ALDOA: variants seen among roughly 807,000 people sequenced by gnomAD.
ALDOA encodes the protein aldolase, fructose-bisphosphate A, also known as fructose-bisphosphate aldolase A.
ALDOA carries 26 observed loss-of-function variants against 43.9 expected under a neutral mutation model. That is an observed-to-expected ratio of 0.59 (90% CI 0.43 to 0.82). ALDOA has a LOEUF of 0.82. ALDOA is among the 40% of genes least tolerant of loss of function. The pLI is 0.00. For synonymous variants in ALDOA, 258 were observed against 222.6 expected (o/e 1.16, Z -1.42); for missense variants, 498 against 549.5 (o/e 0.91, Z 0.94).
Position 30,068,911 on chromosome 16 carries a change from C to G in ALDOA, c.635C>G (p.Thr212Ser), listed in dbSNP as rs569354275. ...WRCVLKIGEH[T>S]PSALAIMENA... ...TGTGTGCTGAAGATTGGGGAACACA[C>G]CCCCTCAGCCCTCGCCATCATGGAA... The change falls in exon 6 of 10, where the codon ACC becomes AGC. Residue 212 changes from threonine to serine, a missense_variant. Physicochemically the swap from Thr to Ser is moderately conservative, Grantham distance 58 (BLOSUM62 1). Transcript: ENST00000642816. The G allele has an allele frequency of 5.6e-6, 9 of 1,614,132 alleles. No homozygotes were observed. The highest frequency in any genetic ancestry group is 1.7e-5 in the Admixed American group (1 of 60,010).
chr16:30,069,469 A>ACT (rs1567325145), intron 7 of ALDOA, 30 bp from the exon 8 acceptor site: 1 of 1,611,060 alleles, frequency 6.2e-7, no homozygotes, highest in South Asian at 1.1e-5. Flanking sequence ...CCTCCACCCC[A>ACT]CTACCCACCG....
In ALDOA at chr16:30,065,864, T is replaced by A. The variant is rs991112834; in HGVS notation, c.-77T>A. 1 of 153,120 alleles carries A rather than the reference T, an allele frequency of 6.5e-6. No individual in the cohort carries two copies. The highest frequency in any genetic ancestry group is 1.5e-5 in the Non-Finnish European group (1 of 68,496). The allele number at this position is 153,120 out of a possible 1,614,324, so 9.5% of individuals were successfully genotyped here. On this transcript the variant is annotated 5_prime_UTR_variant, in exon 1 of 10. Coordinates refer to ENST00000642816, the MANE Select transcript of ALDOA (RefSeq NM_001243177.4). Reference sequence around the variant, plus strand: ...ACGAGTCCCGCGTTCTCTCCTTGAATCCACTCGCCAGCCCGCCGCCCTCTG... The same window carrying A: ...ACGAGTCCCGCGTTCTCTCCTTGAAACCACTCGCCAGCCCGCCGCCCTCTG...
chr16:30,066,402 T>G (rs923961621), intron 1 of ALDOA, among the ~76,000 whole-genome samples: 6 of 152,208 alleles, frequency 3.9e-5, no homozygotes, highest in Admixed American at 6.5e-5. Context: ...GCGACCTTGA[T>G]TCTGAGCCCG....
intron 1 of ALDOA, 111 bp from the exon 2 acceptor site, chr16:30,066,774 T>A: frequency 7.9e-7 from 1 of 1,272,080 alleles, no homozygotes; most frequent in African/African-American, 1.5e-5. Flanking sequence ...CTGTGTGGCT[T>A]GAAGCACAGA....
At chr16:30,069,178 A>T in intron 6 of ALDOA, 128 bp from the exon 7 acceptor site, 1 of 1,349,930 alleles carries the variant, frequency 7.4e-7, no homozygotes, top group African/African-American at 1.4e-5. Context: ...TGTCTCCTGT[A>T]ATCTGAGGGC....
chr16:30,067,150 A>C, intron 2 of ALDOA, 84 bp from the exon 3 acceptor site: 1 of 1,595,060 alleles, frequency 6.3e-7, no homozygotes, highest in Non-Finnish European at 8.5e-7. Flanking sequence ...CATTTCCCTG[A>C]CCTCCAGGAG....
In ALDOA at chr16:30,067,756, C is replaced by T. The variant is rs1212962275; in HGVS notation, c.486+95C>T. 2.7e-6 allele frequency: 4 copies of T among 1,454,878 alleles called. No individual in the cohort carries two copies. In the Admixed American group the frequency reaches 5.1e-5, roughly 18 times the overall value. 90.1% of individuals were successfully genotyped at this position (1,454,878 alleles called of 1,614,324 possible). A position where few individuals can be genotyped will look rare whatever the true frequency, so the allele number is the denominator to read the frequency against. On this transcript the variant is annotated intron_variant, in intron 4 of 9. Transcript: ENST00000642816. ...AGGGAATGAATGCTGGATTGGTGGC[C>T]TAGAGACTTGCATGGAGCCTGCTTC...
In ALDOA at chr16:30,066,972, C is replaced by T. The variant is rs762591392; in HGVS notation, c.75C>T (p.Pro25=). ...CCATGGCTATGGCCTTTTCCTTTCC[C>T]CCAGTTGCCAGTGGGCAACTCCACC... ...HLSMAMAFSF[P]PVASGQLHPQ... Residue 25 remains proline (P), a synonymous_variant, in exon 2 of 10, where the codon CCC becomes CCT. Coordinates refer to ENST00000642816, the MANE Select transcript of ALDOA (RefSeq NM_001243177.4). The T allele has an allele frequency of 1.4e-5, 21 of 1,554,214 alleles. No homozygotes were observed. Among genetic ancestry groups the T allele is most frequent in the South Asian group, 2.4e-5 (2 of 84,258 alleles).
rs752587498 is a variant in ALDOA at position 30,067,543 on chromosome 16, G to A, written c.368G>A (p.Arg123His). The change falls in exon 4 of 10, where the codon CGC (arginine) becomes CAC (histidine). Residue 123 changes from arginine to histidine, a missense_variant. By Grantham distance (29) the Arg-to-His change is conservative. Coordinates refer to ENST00000642816, the MANE Select transcript of ALDOA (RefSeq NM_001243177.4). ...CAGCTGCTGCTGACAGCTGACGACC[G>A]CGTGAACCCCTGCATTGGGGGTGTC... ...YRQLLLTADD[R>H]VNPCIGGVIL... 61 of 1,613,664 alleles carry A rather than the reference G, an allele frequency of 3.8e-5. No homozygotes were observed. Among genetic ancestry groups the A allele is most frequent in the Non-Finnish European group, 4.7e-5 (55 of 1,180,016 alleles).
intron 4 of ALDOA, 191 bp from the exon 5 acceptor site, chr16:30,068,455 T>C: frequency 1.5e-6 from 1 of 682,140 alleles, no homozygotes; most frequent in Admixed American, 2.1e-5. Context: ...GGGGGAAGAC[T>C]GGGGCTAAAG....
intron 8 of ALDOA, 27 bp from the exon 9 acceptor site, chr16:30,069,803 C>T (rs760307214): frequency 3.1e-6 from 5 of 1,613,822 alleles, no homozygotes; most frequent in Middle Eastern, 3.3e-4. Context: ...TGACCACAGC[C>T]CCTCTCGCCT....
At position 30,067,660 on chromosome 16, in the gene ALDOA, A is replaced by G. The variant is rs1405041987; in HGVS notation, c.485A>G (p.Lys162Arg). The G allele has an allele frequency of 2.5e-6, 4 of 1,614,112 alleles. No individual in the cohort carries two copies. Among genetic ancestry groups the G allele is most frequent in the Middle Eastern group, 1.6e-4 (1 of 6,062 alleles). The change falls in exon 4 of 10, where the codon AAG (lysine) becomes AGG (arginine). Residue 162 changes from lysine (K) to arginine (R), a missense_variant and splice_region_variant. Transcript: ENST00000642816. ...TCCAAGGGCGGTGTTGTGGGCATCA[A>G]GGTAAGGGGAGGGCCTCCGGACGTG... ...IKSKGGVVGI[K>R]VDKGVVPLAG...
Position 30,070,178 on chromosome 16 carries a change from G to C in ALDOA, c.1223G>C (p.Ser408Thr), listed in dbSNP as rs766537404. The change falls in exon 10 of 10, where the codon AGC (serine) becomes ACC (threonine). Residue 408 changes from serine to threonine, a missense_variant. Coordinates refer to ENST00000642816, the MANE Select transcript of ALDOA (RefSeq NM_001243177.4). Reference protein sequence around the residue: ...TPSGQAGAAASESLFVSNHAY With the variant: ...TPSGQAGAAATESLFVSNHAY ...AGCGGTCAGGCTGGGGCTGCTGCCA[G>C]CGAGTCCCTCTTCGTCTCTAACCAC... 1.9e-6 allele frequency: 3 copies of C among 1,614,130 alleles called. No homozygotes were observed. The highest frequency in any genetic ancestry group is 2.5e-6 in the Non-Finnish European group (3 of 1,180,040).
At chr16:30,067,169 T>A in intron 2 of ALDOA, 65 bp from the exon 3 acceptor site, 1 of 1,606,864 alleles carries the variant, frequency 6.2e-7, no homozygotes, top group Non-Finnish European at 8.5e-7. Context: ...AGAGGGGCCC[T>A]GGTCATCGGG....
rs2072217600 is a variant in ALDOA at position 30,068,932 on chromosome 16, T to C, written c.656T>C (p.Met219Thr). The C allele has an allele frequency of 6.2e-7, 1 of 1,614,112 alleles. No individual in the cohort carries two copies. Among genetic ancestry groups the C allele is most frequent in the Admixed American group, 1.7e-5 (1 of 60,006 alleles). The part of the protein sequence containing the change: ...GEHTPSALAI[M>T]ENANVLARYA... ...CACACCCCCTCAGCCCTCGCCATCA[T>C]GGAAAATGCCAATGTTCTGGCCCGT... is the stretch of plus-strand genomic sequence containing the variant. The change falls in exon 6 of 10, where the codon ATG (methionine) becomes ACG (threonine). Residue 219 changes from methionine to threonine, a missense_variant. Met to Thr is a moderately conservative substitution (Grantham distance 81, BLOSUM62 -1). Transcript: ENST00000642816.
At position 30,068,894 on chromosome 16, in the gene ALDOA, G is replaced by A. The variant is rs1596813506; in HGVS notation, c.618G>A (p.Leu206=). The A allele has an allele frequency of 6.2e-7, 1 of 1,614,228 alleles. No homozygotes were observed. Among genetic ancestry groups the A allele is most frequent in the Non-Finnish European group, 8.5e-7 (1 of 1,180,044 alleles). Residue 206 remains leucine (L), a synonymous_variant, in exon 6 of 10, where the codon CTG becomes CTA. Coordinates refer to ENST00000642816, the MANE Select transcript of ALDOA (RefSeq NM_001243177.4). The stretch of plus-strand genomic sequence containing the variant: ...ACTTCGCCAAGTGGCGTTGTGTGCT[G>A]AAGATTGGGGAACACACCCCCTCAG... ...GADFAKWRCV[L]KIGEHTPSAL...
At position 30,067,200 on chromosome 16, in the gene ALDOA, T is replaced by G. The variant is rs762779941; in HGVS notation, c.142-34T>G. 21 of 1,611,906 alleles carry G rather than the reference T, an allele frequency of 1.3e-5. No individual in the cohort carries two copies. In the South Asian group the frequency reaches 2.3e-4, roughly 18 times the overall value. On this transcript the variant is annotated intron_variant, in intron 2 of 9. Coordinates refer to ENST00000642816, the MANE Select transcript of ALDOA (RefSeq NM_001243177.4). ...TCGGGAGATGATGGGAAACCCTAGC[T>G]AACTAGTCCTTCCCCTCTGTTTCCT...
rs753336912 is a variant in ALDOA, at chr16:30,068,674, G to A, written c.515G>A (p.Gly172Glu). 1.8e-5 allele frequency: 29 copies of A among 1,614,068 alleles called. No individual in the cohort carries two copies. The highest frequency in any genetic ancestry group is 2.5e-5 in the Non-Finnish European group (29 of 1,180,048). ...GACAAGGGCGTGGTCCCCCTGGCAGGGACAAATGGCGAGACTACCACCCAA... is the reference window on the plus strand; with the variant it reads ...GACAAGGGCGTGGTCCCCCTGGCAGAGACAAATGGCGAGACTACCACCCAA... Reference protein sequence around the residue: ...KVDKGVVPLAGTNGETTTQGL... With the variant: ...KVDKGVVPLAETNGETTTQGL... The change falls in exon 5 of 10, where the codon GGG becomes GAG. Residue 172 changes from glycine (G) to glutamate (E), a missense_variant. By Grantham distance (98) the Gly-to-Glu change is moderately conservative. Coordinates refer to ENST00000642816, the MANE Select transcript of ALDOA (RefSeq NM_001243177.4).
At chr16:30,066,158 C>A (rs971822451) in intron 1 of ALDOA, 1 of 152,366 alleles carries the variant, frequency 6.6e-6, no homozygotes, top group African/African-American at 2.4e-5. Context: ...AGATGAAGGA[C>A]CATTCTCCCC....
Sources: allele counts gnomAD v4.1 joint callset (sites outside exome capture counted in the v4.1 genomes callset), GRCh38; gene constraint gnomAD v4.1.1; transcripts MANE v1.5; gene names NCBI Gene and HGNC (gene_info 2026-07-23, HGNC 2026-07-21).